The following KCNN2 variants were observed in gnomAD, a reference collection of about 807,000 sequenced individuals.
The protein encoded by KCNN2 is potassium calcium-activated channel subfamily N member 2, also known as small conductance calcium-activated potassium channel protein 2.
A neutral mutation model predicts 55.5 loss-of-function variants in KCNN2; 24 were observed. That is an observed-to-expected ratio of 0.43 (90% CI 0.31 to 0.61). KCNN2 has a LOEUF of 0.61. KCNN2 is among the 20% of genes least tolerant of loss of function. The pLI is 0.08. For missense variants in KCNN2, 754 were observed against 853.6 expected, an observed-to-expected ratio of 0.88 and a Z score of 1.45; for synonymous variants, 431 against 336.1, an observed-to-expected ratio of 1.28 and a Z score of -3.09.
chr5:114,270,939 G>C (rs1285815386), intron 2 of KCNN2, among the ~76,000 whole-genome samples: 1 of 152,166 alleles, frequency 6.6e-6, no homozygotes, highest in Non-Finnish European at 1.5e-5. Context: ...TTTGTGGTGA[G>C]TGTTACAGCT....
At chr5:114,436,186 C>T (rs1759997927) in intron 3 of KCNN2, among the ~76,000 whole-genome samples, 1 of 152,158 alleles carries the variant, frequency 6.6e-6, no homozygotes, top group South Asian at 2.1e-4. Context: ...AGAAATTGTC[C>T]TTAAGAATAC....
intron 2 of KCNN2, among the ~76,000 whole-genome samples, chr5:114,372,780 T>C (rs1322443761): frequency 6.6e-6 from 1 of 152,126 alleles, no homozygotes; most frequent in Non-Finnish European, 1.5e-5. Context: ...TTTTATATTC[T>C]CTTCATGTAA....
chr5:114,162,769 G>T (rs1752816238), intron 1 of KCNN2, among the ~76,000 whole-genome samples: 1 of 152,178 alleles, frequency 6.6e-6, no homozygotes, highest in Non-Finnish European at 1.5e-5. Context: ...CTAGCAATGA[G>T]TGAGGCTCTT....
chr5:114,272,286 CATAT>C (rs138400497), intron 2 of KCNN2, among the ~76,000 whole-genome samples: 4,353 of 149,314 alleles, frequency 0.029, 289 homozygotes, highest in African/African-American at 0.11. Flanking sequence ...ATCACACACA[CATAT>C]ATGTATGTAC....
intron 5 of KCNN2, among the ~76,000 whole-genome samples, chr5:114,480,454 A>G (rs12187240): frequency 0.39 from 58,671 of 152,000 alleles, 12,786 homozygotes; most frequent in Non-Finnish European, 0.49. Flanking sequence ...TGCCATTTCT[A>G]CAGAAACTAT....
rs545911089 is a variant in KCNN2 at position 114,451,852 on chromosome 5, A to G, written c.1638-11197A>G. On this transcript the variant is annotated intron_variant, in intron 3 of 7. Transcript: ENST00000673685. ...GCGGAGCTTGCAGTGAGCCAAGATC[A>G]CGCCACTACACTCCAGCCTGGGTGA... is the stretch of plus-strand genomic sequence containing the variant. Among the ~76,000 whole-genome samples the G allele has an allele frequency of 1.3e-4, 19 of 151,556 alleles. No individual in the cohort carries two copies. The East Asian group carries it at 3.1e-3, about 25-fold the overall frequency.
intron 2 of KCNN2, among the ~76,000 whole-genome samples, chr5:114,369,493 ATGTACCTATGAGG>A (rs1279719347): frequency 6.6e-6 from 1 of 152,188 alleles, no homozygotes; most frequent in African/African-American, 2.4e-5. Flanking sequence ...TGGTAGTTTC[ATGTACCTATGAGG>A]TGGATAAAAA....
intron 1 of KCNN2, among the ~76,000 whole-genome samples, chr5:114,138,348 C>T (rs1752211985): frequency 6.6e-6 from 1 of 152,076 alleles, no homozygotes; most frequent in African/African-American, 2.4e-5. Flanking sequence ...TTATTCATAT[C>T]GTATCTCCAG....
In KCNN2 at chr5:114,099,954, T is replaced by A. The variant is rs181195580; in HGVS notation, c.-271+43454T>A. 5.1e-3 allele frequency among the ~76,000 whole-genome samples: 771 copies of A among 152,108 alleles called. 10 individuals carry two copies. Among genetic ancestry groups the A allele is most frequent in the African/African-American group, 0.018 (747 of 41,544 alleles). ...CTTTTGTACTTTTGTATGAACTCCA[T>A]AGGATATGAGATGCTCAATGTATTT... On this transcript the variant is annotated intron_variant, in intron 1 of 10. Coordinates refer to the KCNN2 transcript ENST00000512097.
At chr5:114,301,992 A>G (rs1756175803) in intron 2 of KCNN2, among the ~76,000 whole-genome samples, 1 of 152,212 alleles carries the variant, frequency 6.6e-6, no homozygotes, top group South Asian at 2.1e-4. Context: ...CTTGGCATTC[A>G]ATGGCACCAA....
chr5:114,413,027 A>G (rs1284703677), intron 3 of KCNN2, among the ~76,000 whole-genome samples: 2 of 152,202 alleles, frequency 1.3e-5, no homozygotes, highest in African/African-American at 4.8e-5. Flanking sequence ...GGTCTGATTC[A>G]TACATACAGA....
chr5:114,229,291 T>A (rs10037472), intron 2 of KCNN2, among the ~76,000 whole-genome samples: 120,377 of 150,962 alleles, frequency 0.8, 48,285 homozygotes, highest in East Asian at 0.89. Flanking sequence ...GATCCCTGCT[T>A]TTTTTTTTTA....
rs10624495 is a variant in KCNN2 at position 114,241,705 on chromosome 5, GATAT to G, written c.-185+20152_-185+20155del. ...TAAAATTTACGAGAATATATATGTGGATATATATATATATACGTATATATATACA... is the reference window on the plus strand; with the variant it reads ...TAAAATTTACGAGAATATATATGTGGATATATATATACGTATATATATACA... On this transcript the variant is annotated intron_variant, in intron 2 of 10. Transcript: ENST00000512097. 5.3e-4 allele frequency among the ~76,000 whole-genome samples: 26 copies of G among 48,776 alleles called. 3 individuals are homozygous for G. Among genetic ancestry groups the G allele is most frequent in the African/African-American group, 1.4e-3 (21 of 14,564 alleles). The allele number at this position is 48,776 out of a possible 152,430, so 32.0% of individuals were successfully genotyped here. A position where few individuals can be genotyped will look rare whatever the true frequency, so the allele number is the denominator to read the frequency against.
chr5:114,075,605 A>G (rs1316543154), intron 1 of KCNN2, among the ~76,000 whole-genome samples: 4 of 152,220 alleles, frequency 2.6e-5, no homozygotes, highest in African/African-American at 7.2e-5. Flanking sequence ...GTTGGCCACA[A>G]ATCCTTCCCA....
At chr5:114,329,926 G>A (rs1230123954) in intron 2 of KCNN2, among the ~76,000 whole-genome samples, 2 of 152,036 alleles carry the variant, frequency 1.3e-5, no homozygotes, top group Non-Finnish European at 2.9e-5. Context: ...TGCTCCACTG[G>A]GCACAGTCTT....
At chr5:114,471,484 A>G (rs933060854) in intron 4 of KCNN2, among the ~76,000 whole-genome samples, 2 of 152,262 alleles carry the variant, frequency 1.3e-5, no homozygotes, top group Non-Finnish European at 2.9e-5. Context: ...GAATTCATGT[A>G]TACGGAACCC....
chr5:114,435,880 C>T (rs1046987657), intron 3 of KCNN2, among the ~76,000 whole-genome samples: 1 of 152,144 alleles, frequency 6.6e-6, no homozygotes, highest in Non-Finnish European at 1.5e-5. Context: ...AGGCACAATT[C>T]CTTAAGTAGA....
intron 2 of KCNN2, among the ~76,000 whole-genome samples, chr5:114,277,223 C>T (rs1755509669): frequency 6.6e-6 from 1 of 152,176 alleles, no homozygotes; most frequent in Non-Finnish European, 1.5e-5. Context: ...GTCTGATGGG[C>T]TTTCCTTTGT....
chr5:114,261,002 A>G (rs1755097872), intron 2 of KCNN2, among the ~76,000 whole-genome samples: 1 of 152,148 alleles, frequency 6.6e-6, no homozygotes, highest in African/African-American at 2.4e-5. Flanking sequence ...AGTTCCCTGG[A>G]CCATTTATTT....
Sources: gnomAD v4.1 joint callset for allele counts (sites outside exome capture counted in the v4.1 genomes callset) on GRCh38, gnomAD v4.1.1 for gene constraint, MANE v1.5 for transcripts, NCBI Gene and HGNC (gene_info 2026-07-23, HGNC 2026-07-21) for gene names.